Variants in APOLD1 observed in about 807,000 individuals in gnomAD.
The protein encoded by APOLD1 is apolipoprotein L domain containing 1.
APOLD1 carries 22 observed loss-of-function variants against 15.3 expected under a neutral mutation model. The ratio of observed to expected loss-of-function variants is 1.44; its 90% CI spans 1.03 to 2.05. The LOEUF is 2.05. Ranked by LOEUF, APOLD1 falls within the 30% of genes most tolerant of loss-of-function variation. APOLD1 has a pLI of 0.00. For missense variants in APOLD1, 394 were observed against 353.5 expected (o/e 1.11, Z -0.92); for synonymous variants, 190 against 167.4 (o/e 1.13, Z -1.04).
At chr12:12,768,912 C>G (rs745754140) in intron 1 of APOLD1, among the ~76,000 whole-genome samples, 1 of 151,626 alleles carries the variant, frequency 6.6e-6, no homozygotes, top group Non-Finnish European at 1.5e-5. Context: ...AGTTTCCATT[C>G]TGGCATGTAA....
chr12:12,734,830 T>A (rs990275149), intron 1 of APOLD1, among the ~76,000 whole-genome samples: 2 of 152,244 alleles, frequency 1.3e-5, no homozygotes, highest in Non-Finnish European at 2.9e-5. Context: ...GAGCCTTTAC[T>A]AAGGCCAGGC....
In APOLD1 at chr12:12,787,379, C is replaced by T. The variant is rs773165476; in HGVS notation, c.474C>T (p.Asn158=). ...GDRQLLQCGR[N]ASIALYNSVY... ...GCCAGCTGCTGCAGTGCGGGAGGAA[C>T]GCCTCCATCGCCCTGTACAATTCTG... Residue 158 remains asparagine, a synonymous_variant, in exon 2 of 2, where the codon AAC becomes AAT. Transcript: ENST00000356591. The surrounding 1 kb of genome is among the most constrained non-coding windows in gnomAD (Gnocchi z 4.9). The T allele has an allele frequency of 1.1e-5, 17 of 1,614,032 alleles. No homozygotes were observed. The highest frequency in any genetic ancestry group is 1.1e-5 in the South Asian group (1 of 91,090).
intron 1 of APOLD1, among the ~76,000 whole-genome samples, chr12:12,735,688 C>T (rs900792478): frequency 6.6e-6 from 1 of 152,016 alleles, no homozygotes. Context: ...CTTTGGGAGG[C>T]CAAAGTGGAT....
At chr12:12,729,098 C>T (rs905331627) in intron 1 of APOLD1, among the ~76,000 whole-genome samples, 6 of 151,940 alleles carry the variant, frequency 3.9e-5, no homozygotes, top group African/African-American at 1.2e-4. Context: ...GCTGGTGGGC[C>T]GAGTCCTCCA....
intron 1 of APOLD1, among the ~76,000 whole-genome samples, chr12:12,731,096 G>A (rs528327322): frequency 1.3e-5 from 2 of 152,238 alleles, no homozygotes; most frequent in East Asian, 1.9e-4. Context: ...GGCCGAGATC[G>A]CACCACTGCA....
chr12:12,744,174 C>T (rs898160182), intron 1 of APOLD1, among the ~76,000 whole-genome samples: 12 of 151,584 alleles, frequency 7.9e-5, no homozygotes, highest in African/African-American at 2.2e-4. Context: ...TAGCAAGGAA[C>T]GGTGTGCACC....
At chr12:12,745,829 C>T (rs1289621041) in intron 1 of APOLD1, among the ~76,000 whole-genome samples, 1 of 152,004 alleles carries the variant, frequency 6.6e-6, no homozygotes, top group African/African-American at 2.4e-5. Context: ...GTGGTCTTGC[C>T]TACAGCAGAT....
chr12:12,781,432 G>A (rs370947743), upstream of APOLD1, among the ~76,000 whole-genome samples: 31 of 151,898 alleles, frequency 2.0e-4, no homozygotes, highest in Admixed American at 9.8e-4. Context: ...GCGAAACTCC[G>A]TCTCAAAAAA....
chr12:12,766,665 A>G lies in APOLD1; in HGVS notation c.97-20244A>G, dbSNP rs371040057. On this transcript the variant is annotated intron_variant, in intron 1 of 1. Transcript: ENST00000326765. ...GGAGTTTGAGACCAGCCTGGCCAAC[A>G]TGGCGAAACCCTGACCCTACTAAAA... 4.9e-4 allele frequency among the ~76,000 whole-genome samples: 75 copies of G among 152,278 alleles called. 1 individual carries two copies. The South Asian group carries it at 0.015, about 30-fold the overall frequency.
At chr12:12,728,690 A>AAAAAAAAAG (rs779176543) in intron 1 of APOLD1, among the ~76,000 whole-genome samples, 13 of 139,408 alleles carry the variant, frequency 9.3e-5, no homozygotes, top group South Asian at 2.2e-4. Context: ...AAAAAAAAAA[A>AAAAAAAAAG]AGAGAGAGAA....
intron 1 of APOLD1, among the ~76,000 whole-genome samples, chr12:12,775,549 GTC>G (rs1288284828): frequency 6.6e-6 from 1 of 152,124 alleles, no homozygotes; most frequent in Non-Finnish European, 1.5e-5. Flanking sequence ...AGCACGGGGT[GTC>G]TCTGTATGTT....
chr12:12,739,092 G>T (rs1314364108), intron 1 of APOLD1, among the ~76,000 whole-genome samples: 1 of 152,210 alleles, frequency 6.6e-6, no homozygotes, highest in Non-Finnish European at 1.5e-5. Context: ...GGGGAGGGGG[G>T]TGTTCTGGAG....
At chr12:12,776,022 A>AAC (rs1947030960) in intron 1 of APOLD1, among the ~76,000 whole-genome samples, 1 of 149,610 alleles carries the variant, frequency 6.7e-6, no homozygotes, top group Non-Finnish European at 1.5e-5. Context: ...AAAAAAAAAA[A>AAC]AAAACACAAC....
At chr12:12,763,659 T>C (rs1194013444) in intron 1 of APOLD1, among the ~76,000 whole-genome samples, 1 of 152,212 alleles carries the variant, frequency 6.6e-6, no homozygotes, top group Middle Eastern at 3.2e-3. Context: ...ACATAGGTTA[T>C]ATGCAAACGC....
intron 1 of APOLD1, among the ~76,000 whole-genome samples, chr12:12,770,567 G>GAAA (rs36112693): frequency 9.2e-5 from 11 of 119,266 alleles, no homozygotes; most frequent in East Asian, 7.5e-4. Context: ...AAAAAAGACT[G>GAAA]AAAAAAAAAA....
At position 12,732,785 on chromosome 12, in the gene APOLD1, C is replaced by G. The variant is rs140563048; in HGVS notation, c.96+6689C>G. On this transcript the variant is annotated intron_variant, in intron 1 of 1. Transcript: ENST00000326765. ...AAAAGAAAAAGCATGTACTTTTCTACGAATTTAATTTTGAGAAATAATCAG... is the reference window on the plus strand; with the variant it reads ...AAAAGAAAAAGCATGTACTTTTCTAGGAATTTAATTTTGAGAAATAATCAG... 5.9e-4 allele frequency among the ~76,000 whole-genome samples: 89 copies of G among 149,926 alleles called. 1 individual carries two copies. In the East Asian group the frequency reaches 9.7e-3, roughly 16 times the overall value.
chr12:12,777,892 T>G (rs1217945263), intron 1 of APOLD1, among the ~76,000 whole-genome samples: 3 of 5,546 alleles, frequency 5.4e-4, no homozygotes, highest in African/African-American at 1.0e-3. Context: ...GAAAGGTGTT[T>G]TTTTTTTTTT....
Position 12,790,906 on chromosome 12 carries a change from G to T in APOLD1, c.*3254G>T, listed in dbSNP as rs1049413836. 6.6e-6 allele frequency: 1 copy of T among 152,136 alleles called. No individual in the cohort carries two copies. The highest frequency in any genetic ancestry group is 1.5e-5 in the Non-Finnish European group (1 of 68,026). 9.4% of individuals were successfully genotyped at this position (152,136 alleles called of 1,614,324 possible). On this transcript the variant is annotated 3_prime_UTR_variant, in exon 2 of 2. Coordinates refer to ENST00000356591, the MANE Select transcript of APOLD1 (RefSeq NM_030817.3). ...ATTCTTTAAACAAACAGGTTGAAAT[G>T]GTATGTTGTAAAAGAGAAGACGGGA...
Position 12,787,942 on chromosome 12 carries a change from A to C in APOLD1, c.*290A>C, listed in dbSNP as rs1565439788. Reference sequence around the variant, plus strand: ...TCTGTCTAAACACAGCTGGGCAGGCACTCCTGTTTTAAAGTTATTTCGGGG... The same window carrying C: ...TCTGTCTAAACACAGCTGGGCAGGCCCTCCTGTTTTAAAGTTATTTCGGGG... On this transcript the variant is annotated 3_prime_UTR_variant, in exon 2 of 2. Coordinates refer to ENST00000356591, the MANE Select transcript of APOLD1 (RefSeq NM_030817.3). The surrounding 1 kb of genome is among the most constrained non-coding windows in gnomAD (Gnocchi z 4.9). The C allele has an allele frequency of 2.9e-6, 1 of 342,796 alleles. No individual in the cohort carries two copies. The highest frequency in any genetic ancestry group is 4.2e-5 in the South Asian group (1 of 23,602). The allele number at this position is 342,796 out of a possible 1,614,324, so 21.2% of individuals were successfully genotyped here. A position where few individuals can be genotyped will look rare whatever the true frequency, so the allele number is the denominator to read the frequency against.
Sources: allele counts gnomAD v4.1 joint callset (sites outside exome capture counted in the v4.1 genomes callset), GRCh38; gene constraint gnomAD v4.1.1; non-coding constraint Gnocchi (gnomAD v3.1); transcripts MANE v1.5; gene names NCBI Gene and HGNC (gene_info 2026-07-23, HGNC 2026-07-21).